The following PACS2 variants were observed in gnomAD, a reference collection of about 807,000 sequenced individuals.
PACS2 encodes the protein PACS1-like protein.
Under a neutral mutation model 113.0 loss-of-function variants are expected in PACS2, and 36 were observed. That is an observed-to-expected ratio of 0.32 (90% confidence interval 0.24 to 0.42). PACS2 has a LOEUF of 0.42. Among genes scored for constraint, PACS2 ranks in the 10% least tolerant of loss-of-function variants. PACS2 has a pLI of 1.00. For missense variants in PACS2, 1,015 were observed against 1,239.5 expected (o/e 0.82, Z 2.72); for synonymous variants, 589 against 536.1 (o/e 1.10, Z -1.36).
intron 8 of PACS2, among the ~76,000 whole-genome samples, chr14:105,375,260 A>G (rs2061311893): frequency 6.6e-6 from 1 of 152,160 alleles, no homozygotes; most frequent in Non-Finnish European, 1.5e-5. Context: ...CGGGTGGATT[A>G]CAAGGTCAAG....
intron 8 of PACS2, chr14:105,370,355 C>T (rs1555409105): frequency 7.5e-6 from 1 of 133,182 alleles, no homozygotes; most frequent in African/African-American, 3.0e-5. Context: ...TTTTAATGTT[C>T]ATCTTTTAGC....
intron 19 of PACS2, among the ~76,000 whole-genome samples, chr14:105,386,378 C>T (rs1044925016): frequency 2.6e-5 from 4 of 152,174 alleles, no homozygotes; most frequent in African/African-American, 9.7e-5. Flanking sequence ...GAGGGGTTTC[C>T]AGCATCTTGT....
chr14:105,387,649 G>A (rs1447016188), intron 19 of PACS2, among the ~76,000 whole-genome samples: 3 of 152,236 alleles, frequency 2.0e-5, no homozygotes, highest in East Asian at 1.9e-4. Context: ...GCCCAGAGGC[G>A]CAGCTTGGCT....
rs77816163 is a variant in PACS2 at position 105,352,056 on chromosome 14, G to A, written c.208-322G>A. 3.3e-3 allele frequency among the ~76,000 whole-genome samples: 506 copies of A among 152,272 alleles called. 4 individuals are homozygous for A. Among genetic ancestry groups the A allele is most frequent in the African/African-American group, 0.011 (470 of 41,552 alleles). On this transcript the variant is annotated intron_variant, in intron 2 of 24. Coordinates refer to ENST00000447393, the MANE Select transcript of PACS2 (RefSeq NM_001100913.3). ...GTTCTGCCAGACAGACTTGGGCAGC[G>A]CAGTCAGGTGCTGCTGCACCTGGCC... is the stretch of plus-strand genomic sequence containing the variant.
At position 105,368,150 on chromosome 14, in the gene PACS2, G is replaced by A. The variant is rs587666809; in HGVS notation, c.660+3G>A. ...GTGACGACGCCGTGCAGGGGCAGGT[G>A]ACCTGGGGCCGGGGCTCCGCGCCCT... On this transcript the variant is annotated splice_donor_region_variant and intron_variant, in intron 6 of 24. Coordinates refer to ENST00000447393, the MANE Select transcript of PACS2 (RefSeq NM_001100913.3). The A allele has an allele frequency of 8.7e-6, 14 of 1,602,068 alleles. No individual in the cohort carries two copies. In the East Asian group the frequency reaches 3.1e-4, roughly 36 times the overall value.
At position 105,315,840 on chromosome 14, in the gene PACS2, A is replaced by C. The variant is rs764231518; in HGVS notation, c.119+803A>C. On this transcript the variant is annotated intron_variant, in intron 1 of 24. Transcript: ENST00000447393. This position sits in a 1 kb window ranked among gnomAD's most constrained non-coding sequence, Gnocchi z 4.4. Reference sequence around the variant, plus strand: ...CTCCCAGGCTAAGGAGGAGAGAGACACGCTCTCCGGAAAAGTTCTGGTTCT... The same window carrying C: ...CTCCCAGGCTAAGGAGGAGAGAGACCCGCTCTCCGGAAAAGTTCTGGTTCT... Among the ~76,000 whole-genome samples the C allele has an allele frequency of 5.3e-5, 8 of 152,222 alleles. No homozygotes were observed. Among genetic ancestry groups the C allele is most frequent in the Non-Finnish European group, 8.8e-5 (6 of 68,038 alleles).
chr14:105,375,289 C>CT (rs370398559), intron 8 of PACS2, among the ~76,000 whole-genome samples: 1 of 152,228 alleles, frequency 6.6e-6, no homozygotes, highest in Non-Finnish European at 1.5e-5. Flanking sequence ...ACCATCCTGG[C>CT]TAACACGGTG....
chr14:105,334,222 C>A (rs890966875), intron 1 of PACS2, among the ~76,000 whole-genome samples: 1 of 152,268 alleles, frequency 6.6e-6, no homozygotes, highest in Non-Finnish European at 1.5e-5. Context: ...CTGCCAGACT[C>A]CAGGGCCAAG....
chr14:105,340,638 A>C lies in PACS2; in HGVS notation c.120-7855A>C, dbSNP rs1432342209. On this transcript the variant is annotated intron_variant, in intron 1 of 24. Transcript: ENST00000447393. This position sits in a 1 kb window ranked among gnomAD's most constrained non-coding sequence, Gnocchi z 4.2. ...CTGTGCGGCCAGTTGCTAACAGGCC[A>C]GGAACCTGTCCTGGGGGTTGGGGAC... is the stretch of plus-strand genomic sequence containing the variant. Among the ~76,000 whole-genome samples, 1 of 152,238 alleles carries C rather than the reference A, an allele frequency of 6.6e-6. No individual in the cohort carries two copies. The highest frequency in any genetic ancestry group is 1.5e-5 in the Non-Finnish European group (1 of 68,044).
At position 105,382,393 on chromosome 14, in the gene PACS2, G is replaced by A. The variant is rs587716625; in HGVS notation, c.1414-84G>A. 2.9e-4 allele frequency: 238 copies of A among 829,400 alleles called. 2 individuals are homozygous for A. Among genetic ancestry groups the A allele is most frequent in the Non-Finnish European group, 3.8e-4 (181 of 481,508 alleles). The allele number at this position is 829,400 out of a possible 1,614,324, so 51.4% of individuals were successfully genotyped here. ...GCCTCTGTGGCTGCAGGGGGAGCAG[G>A]GGCACTGCAGGCACCAGGGCTGGCG... On this transcript the variant is annotated intron_variant, in intron 13 of 24. Transcript: ENST00000447393.
intron 4 of PACS2, among the ~76,000 whole-genome samples, chr14:105,359,714 C>T (rs1264487649): frequency 6.6e-6 from 1 of 151,716 alleles, no homozygotes; most frequent in Admixed American, 6.6e-5. Flanking sequence ...GCCTCAGCCT[C>T]CCGAGTAGCT....
intron 24 of PACS2, among the ~76,000 whole-genome samples, chr14:105,394,037 CAAAA>C (rs35175118): frequency 1.1e-4 from 8 of 72,074 alleles, no homozygotes; most frequent in Admixed American, 2.6e-4. Flanking sequence ...GACTCCGCCT[CAAAA>C]AAAAAAAAAA....
At chr14:105,368,686 C>T (rs1223949172) in intron 7 of PACS2, 147 bp downstream of exon 7, 1 of 663,026 alleles carries the variant, frequency 1.5e-6, no homozygotes, top group Non-Finnish European at 2.7e-6. Context: ...CCCCTGATTG[C>T]CAGTCTCCTG....
At chr14:105,307,219 T>C (rs2058216256) in intron 1 of PACS2, among the ~76,000 whole-genome samples, 1 of 152,014 alleles carries the variant, frequency 6.6e-6, no homozygotes, top group Non-Finnish European at 1.5e-5. Context: ...GAGCATACCT[T>C]TGATATGCAG....
At position 105,329,442 on chromosome 14, in the gene PACS2, A is replaced by G. The variant is rs1027441649; in HGVS notation, c.119+14405A>G. 1.3e-5 allele frequency among the ~76,000 whole-genome samples: 2 copies of G among 152,162 alleles called. No homozygotes were observed. Among genetic ancestry groups the G allele is most frequent in the African/African-American group, 4.8e-5 (2 of 41,440 alleles). Reference sequence around the variant, plus strand: ...CTGCTGCTCCTGCCCCACCAGAACCATCCTGAGTCCAAACTGGCTGAGAGT... The same window carrying G: ...CTGCTGCTCCTGCCCCACCAGAACCGTCCTGAGTCCAAACTGGCTGAGAGT... On this transcript the variant is annotated intron_variant, in intron 1 of 24. Transcript: ENST00000447393. This position sits in a 1 kb window ranked among gnomAD's most constrained non-coding sequence, Gnocchi z 6.4.
intron 1 of PACS2, among the ~76,000 whole-genome samples, chr14:105,316,877 CGGAGGA>C (rs1019473272): frequency 1.8e-4 from 23 of 124,466 alleles, no homozygotes; most frequent in African/African-American, 1.5e-3. Flanking sequence ...AGTTAATGGG[CGGAGGA>C]GTTAATGGGC....
rs782516261 is a variant in PACS2, at chr14:105,391,670, T to G, written c.2159T>G (p.Leu720Arg). The change falls in exon 22 of 25, where the codon CTC becomes CGC. Residue 720 changes from leucine to arginine, a missense_variant. By Grantham distance (102) the Leu-to-Arg change is moderately radical. Coordinates refer to ENST00000447393, the MANE Select transcript of PACS2 (RefSeq NM_001100913.3). ...DDAAPSGSGT[L>R]SSTPPSASPA... ...GCGGCCCCCTCGGGCTCTGGCACGC[T>G]CTCCTCCACCCCGCCGTCCGCATCT... The G allele has an allele frequency of 1.2e-6, 2 of 1,610,168 alleles. No individual in the cohort carries two copies. The highest frequency in any genetic ancestry group is 1.7e-6 in the Non-Finnish European group (2 of 1,179,188).
At chr14:105,386,640 T>G (rs1346201109) in intron 19 of PACS2, among the ~76,000 whole-genome samples, 2 of 151,884 alleles carry the variant, frequency 1.3e-5, no homozygotes, top group East Asian at 3.9e-4. Context: ...GTGAGGTCAT[T>G]TGCTGTCCTA....
intron 21 of PACS2, 119 bp from the exon 22 acceptor site, chr14:105,391,512 T>TTGCCCCCCCCCCCC: frequency 3.3e-6 from 2 of 611,328 alleles, no homozygotes; most frequent in Non-Finnish European, 2.9e-6. Flanking sequence ...CACTGGGGAC[T>TTGCCCCCCCCCCCC]CCCACCCTGC....
Sources: allele counts gnomAD v4.1 joint callset (sites outside exome capture counted in the v4.1 genomes callset), GRCh38; gene constraint gnomAD v4.1.1; non-coding constraint Gnocchi (gnomAD v3.1); transcripts MANE v1.5; gene names NCBI Gene and HGNC (gene_info 2026-07-23, HGNC 2026-07-21).